The following EYS variants were observed in gnomAD, a reference collection of about 807,000 sequenced individuals.
EYS encodes EGF-like photoreceptor maintenance factor.
In EYS, 250 loss-of-function variants were observed where a neutral mutation model predicts 282.1. That is an observed-to-expected ratio of 0.89 (90% CI 0.80 to 0.98). The LOEUF (loss-of-function observed/expected upper bound fraction) is 0.98. Among genes scored for constraint, EYS ranks in the 50% least tolerant of loss-of-function variants. The pLI, the probability that EYS is intolerant of heterozygous loss-of-function variation, is 0.00. For synonymous variants in EYS, 1,355 were observed against 1,282.9 expected (o/e 1.06, Z -1.20); for missense variants, 4,016 against 3,709.0 (o/e 1.08, Z -2.15).
At chr6:64,642,202 G>T (rs1002888443) in intron 22 of EYS, among the ~76,000 whole-genome samples, 2 of 152,158 alleles carry the variant, frequency 1.3e-5, no homozygotes, top group Admixed American at 6.5e-5. Context: ...TCAGTTTGTT[G>T]TTCTGGTGGT....
intron 19 of EYS, among the ~76,000 whole-genome samples, chr6:64,856,401 G>T (rs1295177874): frequency 3.9e-5 from 6 of 152,064 alleles, no homozygotes; most frequent in Admixed American, 1.3e-4. Flanking sequence ...CCCAGGCTAA[G>T]GTGATCTTCC....
In EYS at chr6:65,103,908, T is replaced by C. The variant is rs114473154; in HGVS notation, c.2024-46181A>G. 2.8e-3 allele frequency among the ~76,000 whole-genome samples: 423 copies of C among 151,566 alleles called. 2 individuals carry two copies. The highest frequency in any genetic ancestry group is 9.8e-3 in the African/African-American group (405 of 41,496). The stretch of plus-strand genomic sequence containing the variant: ...TAGAAATGCAGTCAGGTGGTAATTC[T>C]TCAGGCCTAACAAACTCCCAGTCAT... On this transcript the variant is annotated intron_variant, in intron 12 of 42. Coordinates refer to ENST00000503581, the MANE Select transcript of EYS (RefSeq NM_001142800.2).
chr6:65,163,356 C>T (rs1263121585), intron 12 of EYS, among the ~76,000 whole-genome samples: 3 of 151,076 alleles, frequency 2.0e-5, no homozygotes, highest in African/African-American at 7.3e-5. Context: ...GCTGAATTAC[C>T]ATTTTTTCAA....
At chr6:63,920,534 T>G (rs571396075) in intron 35 of EYS, among the ~76,000 whole-genome samples, 11 of 152,278 alleles carry the variant, frequency 7.2e-5, no homozygotes, top group African/African-American at 2.6e-4. Context: ...TGGCAAAAAC[T>G]TCTCCTTCCT....
intron 30 of EYS, among the ~76,000 whole-genome samples, chr6:64,298,770 TCTAA>T (rs1769128687): frequency 6.6e-6 from 1 of 152,070 alleles, no homozygotes; most frequent in African/African-American, 2.4e-5. Flanking sequence ...CTATATCCTC[TCTAA>T]CAAAGATTTA....
rs576208675 is a variant in EYS, at chr6:64,463,068, T to C, written c.5645-23716A>G. On this transcript the variant is annotated intron_variant, in intron 26 of 42. Coordinates refer to ENST00000503581, the MANE Select transcript of EYS (RefSeq NM_001142800.2). ...TTCACGCCATTCTCCTGCCAAGGCCTCCCAAGCAGCTGGGACTACAGGTGC... is the reference window on the plus strand; with the variant it reads ...TTCACGCCATTCTCCTGCCAAGGCCCCCCAAGCAGCTGGGACTACAGGTGC... 6.2e-4 allele frequency among the ~76,000 whole-genome samples: 93 copies of C among 149,806 alleles called. 2 individuals carry two copies. The East Asian group carries it at 9.9e-3, about 16-fold the overall frequency.
intron 28 of EYS, among the ~76,000 whole-genome samples, chr6:64,400,076 G>A (rs1457289429): frequency 1.3e-5 from 2 of 151,912 alleles, no homozygotes; most frequent in South Asian, 2.1e-4. Flanking sequence ...GGATTTTGGG[G>A]AAAAGTGAAT....
chr6:63,725,516 T>A (rs970956070), intron 42 of EYS, among the ~76,000 whole-genome samples: 1 of 152,250 alleles, frequency 6.6e-6, no homozygotes, highest in East Asian at 1.9e-4. Context: ...AGAAAATTTA[T>A]GTTTGTATGT....
intron 31 of EYS, among the ~76,000 whole-genome samples, chr6:64,158,830 C>T (rs1220729755): frequency 6.6e-6 from 1 of 152,268 alleles, no homozygotes; most frequent in East Asian, 1.9e-4. Flanking sequence ...ATGTTTTGCA[C>T]TATAGTACTT....
chr6:64,594,803 C>T (rs962495493), intron 24 of EYS, among the ~76,000 whole-genome samples: 2 of 151,414 alleles, frequency 1.3e-5, no homozygotes, highest in Non-Finnish European at 2.9e-5. Flanking sequence ...AACAAACCTG[C>T]ACATTGTGCA....
chr6:65,083,155 A>C (rs1774273007), intron 12 of EYS, among the ~76,000 whole-genome samples: 1 of 152,022 alleles, frequency 6.6e-6, no homozygotes, highest in African/African-American at 2.4e-5. Context: ...CAGGAAACAT[A>C]ATTGCATTCA....
intron 5 of EYS, among the ~76,000 whole-genome samples, chr6:65,473,418 T>C (rs1240466642): frequency 2.0e-5 from 3 of 151,868 alleles, no homozygotes; most frequent in African/African-American, 7.2e-5. Flanking sequence ...AAGATGGAAA[T>C]AATGTATTGG....
intron 33 of EYS, among the ~76,000 whole-genome samples, chr6:64,044,726 GA>G (rs766304551): frequency 2.6e-5 from 4 of 151,990 alleles, no homozygotes; most frequent in Non-Finnish European, 5.9e-5. Context: ...TATTTTGAGT[GA>G]TTTTTTTTTA....
chr6:64,306,354 C>G (rs939109518), intron 30 of EYS, among the ~76,000 whole-genome samples: 3 of 152,086 alleles, frequency 2.0e-5, no homozygotes, highest in Non-Finnish European at 4.4e-5. Context: ...TACCATAATA[C>G]TCCCAAAATA....
chr6:64,644,222 T>C (rs1485349284), intron 22 of EYS, among the ~76,000 whole-genome samples: 1 of 152,194 alleles, frequency 6.6e-6, no homozygotes, highest in Non-Finnish European at 1.5e-5. Context: ...GGACGAGTCA[T>C]TCCTGGATCC....
intron 5 of EYS, among the ~76,000 whole-genome samples, chr6:65,469,430 C>A (rs1249297461): frequency 6.6e-6 from 1 of 151,820 alleles, no homozygotes; most frequent in African/African-American, 2.4e-5. Flanking sequence ...ATATGTATTT[C>A]TTTTCCATTA....
At chr6:64,469,853 C>T (rs1776055926) in intron 26 of EYS, among the ~76,000 whole-genome samples, 1 of 152,158 alleles carries the variant, frequency 6.6e-6, no homozygotes, top group South Asian at 2.1e-4. Context: ...TCCTAGTCCG[C>T]CTTCACGTTC....
intron 12 of EYS, among the ~76,000 whole-genome samples, chr6:65,135,559 TA>T (rs530916305): frequency 3.9e-5 from 6 of 152,136 alleles, no homozygotes; most frequent in East Asian, 3.9e-4. Context: ...AAATATAGAT[TA>T]AAAAATTATT....
At chr6:64,934,440 T>G (rs1006559391) in intron 15 of EYS, among the ~76,000 whole-genome samples, 1 of 151,784 alleles carries the variant, frequency 6.6e-6, no homozygotes, top group African/African-American at 2.4e-5. Context: ...TAGAATAAAT[T>G]GAAAGAGATT....
Sources: gnomAD v4.1 joint callset for allele counts (sites outside exome capture counted in the v4.1 genomes callset) on GRCh38, gnomAD v4.1.1 for gene constraint, MANE v1.5 for transcripts, NCBI Gene and HGNC (gene_info 2026-07-23, HGNC 2026-07-21) for gene names.